SSH2: variants seen among roughly 807,000 people sequenced by gnomAD.
SSH2 encodes protein phosphatase Slingshot homolog 2.
In SSH2, 37 loss-of-function variants were observed where a neutral mutation model predicts 135.2. The ratio of observed to expected loss-of-function variants is 0.27; its 90% CI spans 0.21 to 0.36. The LOEUF (loss-of-function observed/expected upper bound fraction) is 0.36, where lower values mean the gene tolerates loss of function less well. Ranked by LOEUF, SSH2 falls within the 10% of genes least tolerant of loss-of-function variation. The pLI, the probability that SSH2 is intolerant of heterozygous loss-of-function variation, is 1.00. For synonymous variants in SSH2, 628 were observed against 646.2 expected, an observed-to-expected ratio of 0.97 and a Z score of 0.43; for missense variants, 1,408 against 1,765.3, an observed-to-expected ratio of 0.80 and a Z score of 3.63.
At chr17:29,643,888 C>T (rs2036268760) in intron 14 of SSH2, among the ~76,000 whole-genome samples, 1 of 152,134 alleles carries the variant, frequency 6.6e-6, no homozygotes, top group South Asian at 2.1e-4. Flanking sequence ...GAAGGTCTTC[C>T]TATCCAGTTT....
At chr17:29,746,374 C>T (rs905421450) in intron 3 of SSH2, among the ~76,000 whole-genome samples, 12 of 151,344 alleles carry the variant, frequency 7.9e-5, no homozygotes, top group Non-Finnish European at 1.5e-4. Context: ...AGCGAAACTC[C>T]GCCTCTACTA....
intron 1 of SSH2, among the ~76,000 whole-genome samples, chr17:29,901,896 A>C (rs1599166637): frequency 6.6e-6 from 1 of 151,594 alleles, no homozygotes; most frequent in East Asian, 1.9e-4. Context: ...TGATCCTCTC[A>C]CCTCAGCCTC....
chr17:29,900,909 GA>G (rs1379562132), intron 1 of SSH2, among the ~76,000 whole-genome samples: 1 of 152,146 alleles, frequency 6.6e-6, no homozygotes, highest in Non-Finnish European at 1.5e-5. Context: ...ACTAGATTAA[GA>G]AAATGTGGCA....
intron 1 of SSH2, among the ~76,000 whole-genome samples, chr17:29,882,679 G>A (rs558181140): frequency 1.3e-5 from 2 of 152,230 alleles, no homozygotes; most frequent in East Asian, 1.9e-4. Flanking sequence ...TTGAACCCGG[G>A]GGGTGGAGGT....
Position 29,627,468 on chromosome 17 carries a change from G to A in SSH2, c.*3373C>T, listed in dbSNP as rs1430306323. On this transcript the variant is annotated 3_prime_UTR_variant, in exon 16 of 16. Coordinates refer to ENST00000540801, the MANE Select transcript of SSH2 (RefSeq NM_001282129.2). Reference sequence around the variant, plus strand: ...CTGTGAGCAGAGTACCTCAGAGCCTGAGGCACTGAGATCTTCAGGCTGTCC... The same window carrying A: ...CTGTGAGCAGAGTACCTCAGAGCCTAAGGCACTGAGATCTTCAGGCTGTCC... The A allele has an allele frequency of 6.6e-6, 1 of 152,366 alleles. No individual in the cohort carries two copies. Among genetic ancestry groups the A allele is most frequent in the Non-Finnish European group, 1.5e-5 (1 of 68,036 alleles). 9.4% of individuals were successfully genotyped at this position (152,366 alleles called of 1,614,324 possible).
At chr17:29,691,956 T>C (rs1428290364) in intron 5 of SSH2, among the ~76,000 whole-genome samples, 1 of 151,212 alleles carries the variant, frequency 6.6e-6, no homozygotes, top group Non-Finnish European at 1.5e-5. Flanking sequence ...CTGGCCAACA[T>C]GGTGAAAGCC....
intron 3 of SSH2, among the ~76,000 whole-genome samples, chr17:29,758,281 G>T (rs1462891784): frequency 6.6e-6 from 1 of 152,110 alleles, no homozygotes; most frequent in Admixed American, 6.5e-5. Flanking sequence ...TTTTTATAGC[G>T]GTTAAGGGCA....
At chr17:29,685,421 G>A (rs2038170628) in intron 5 of SSH2, among the ~76,000 whole-genome samples, 1 of 152,082 alleles carries the variant, frequency 6.6e-6, no homozygotes, top group Non-Finnish European at 1.5e-5. Context: ...ACTTTAAAAT[G>A]TTCCAACAAA....
intron 1 of SSH2, among the ~76,000 whole-genome samples, chr17:29,865,460 T>C (rs1030922698): frequency 4.6e-5 from 7 of 152,228 alleles, no homozygotes; most frequent in Admixed American, 1.3e-4. Context: ...TCCTGGCAGA[T>C]AATTTGCTGA....
intron 1 of SSH2, chr17:29,925,705 TA>T (rs201893535): frequency 0.15 from 45,357 of 309,358 alleles, no homozygotes; most frequent in Middle Eastern, 0.2. Context: ...AGACCCCATC[TA>T]AAAAAAAAAA....
At chr17:29,894,200 T>A (rs978573370) in intron 1 of SSH2, among the ~76,000 whole-genome samples, 3 of 152,126 alleles carry the variant, frequency 2.0e-5, no homozygotes, top group African/African-American at 7.2e-5. Flanking sequence ...CTAAATGACA[T>A]ATATAAAGTT....
chr17:29,906,133 C>T (rs1317527118), intron 1 of SSH2, among the ~76,000 whole-genome samples: 1 of 152,156 alleles, frequency 6.6e-6, no homozygotes, highest in East Asian at 1.9e-4. Flanking sequence ...CTCATTCTAC[C>T]TCATTCTTCC....
At chr17:29,739,534 T>C (rs868636283) in intron 3 of SSH2, among the ~76,000 whole-genome samples, 2 of 152,304 alleles carry the variant, frequency 1.3e-5, no homozygotes, top group South Asian at 4.1e-4. Context: ...AAAGAAAACT[T>C]TGAATCAGGC....
intron 2 of SSH2, among the ~76,000 whole-genome samples, chr17:29,813,760 G>A (rs1355602037): frequency 6.6e-6 from 1 of 151,914 alleles, no homozygotes; most frequent in Non-Finnish European, 1.5e-5. Context: ...GGAGGTTGCA[G>A]TGAGCTGAGA....
intron 1 of SSH2, among the ~76,000 whole-genome samples, chr17:29,855,466 C>T (rs2065646470): frequency 6.6e-6 from 1 of 152,182 alleles, no homozygotes; most frequent in Non-Finnish European, 1.5e-5. Flanking sequence ...GATCACGCCA[C>T]TGCACTCCCG....
chr17:29,873,930 G>C (rs2065982457), intron 1 of SSH2, among the ~76,000 whole-genome samples: 1 of 152,154 alleles, frequency 6.6e-6, no homozygotes, highest in Non-Finnish European at 1.5e-5. Context: ...CCTTGAGAGG[G>C]AAGTGTTCAA....
At chr17:29,726,093 C>G (rs2039994670) in intron 3 of SSH2, among the ~76,000 whole-genome samples, 1 of 152,048 alleles carries the variant, frequency 6.6e-6, no homozygotes, top group African/African-American at 2.4e-5. Context: ...CGAGCAGAGA[C>G]TTAAATAAAA....
intron 3 of SSH2, among the ~76,000 whole-genome samples, chr17:29,789,731 G>A (rs1567975801): frequency 6.6e-6 from 1 of 152,184 alleles, no homozygotes; most frequent in Non-Finnish European, 1.5e-5. Context: ...AGCAATGAGG[G>A]TGACGCTGCC....
chr17:29,677,766 A>G (rs769441147), intron 6 of SSH2, 25 bp from the exon 7 acceptor site: 5 of 1,591,034 alleles, frequency 3.1e-6, no homozygotes, highest in Non-Finnish European at 8.6e-7. Flanking sequence ...GTAGTCCAAT[A>G]GTTACTCCCC....
Sources: gnomAD v4.1 joint callset for allele counts (sites outside exome capture counted in the v4.1 genomes callset) on GRCh38, gnomAD v4.1.1 for gene constraint, MANE v1.5 for transcripts, NCBI Gene and HGNC (gene_info 2026-07-23, HGNC 2026-07-21) for gene names.